AKAP8L: variants seen among roughly 807,000 people sequenced by gnomAD.
AKAP8L encodes the protein A-kinase anchor protein 8-like.
In AKAP8L, 34 loss-of-function variants were observed where a neutral mutation model predicts 77.5. The ratio of observed to expected loss-of-function variants is 0.44; its 90% CI spans 0.33 to 0.58. The LOEUF (loss-of-function observed/expected upper bound fraction) is 0.58, where lower values mean the gene tolerates loss of function less well. Among genes scored for constraint, AKAP8L ranks in the 20% least tolerant of loss-of-function variants. The probability of loss-of-function intolerance (pLI) is 0.02; values close to 1 mark genes in which losing one functional copy is unlikely to be tolerated. For missense variants in AKAP8L, 806 were observed against 887.6 expected, an observed-to-expected ratio of 0.91 and a Z score of 1.17; for synonymous variants, 342 against 340.7, an observed-to-expected ratio of 1.00 and a Z score of -0.04.
At chr19:15,386,500 G>T (rs1967541048) in intron 12 of AKAP8L, among the ~76,000 whole-genome samples, 2 of 152,154 alleles carry the variant, frequency 1.3e-5, no homozygotes, top group South Asian at 4.1e-4. Flanking sequence ...ATGAAGAGTT[G>T]TGATGTCTGA....
rs957174843 is a variant in AKAP8L, at chr19:15,397,432, G to T, written c.1405+88C>A. The T allele has an allele frequency of 3.4e-6, 5 of 1,481,226 alleles. No individual in the cohort carries two copies. The highest frequency in any genetic ancestry group is 1.4e-5 in the African/African-American group (1 of 72,078). The allele number at this position is 1,481,226 out of a possible 1,614,324, so 91.8% of individuals were successfully genotyped here. ...GCTGGTCTCCTGACCTTCCCTGGGGGAACAGAAGGGTGTCCTGACCCTGCA... is the reference window on the plus strand; with the variant it reads ...GCTGGTCTCCTGACCTTCCCTGGGGTAACAGAAGGGTGTCCTGACCCTGCA... On this transcript the variant is annotated intron_variant, in intron 11 of 13. Coordinates refer to ENST00000397410, the MANE Select transcript of AKAP8L (RefSeq NM_014371.4). This position sits in a 1 kb window ranked among gnomAD's most constrained non-coding sequence, Gnocchi z 4.7.
rs185830884 is a variant in AKAP8L, at chr19:15,385,432, C to T, written c.1537-4820G>A. On this transcript the variant is annotated intron_variant, in intron 12 of 13. Transcript: ENST00000397410. ...TCCTGACCTCGTGATCCACCCACCT[C>T]GGCCTCCCAAAGTGCTGGGATTACA... Among the ~76,000 whole-genome samples, 449 of 152,186 alleles carry T rather than the reference C, an allele frequency of 3.0e-3. 2 individuals are homozygous for T. Among genetic ancestry groups the T allele is most frequent in the African/African-American group, 0.01 (417 of 41,514 alleles).
chr19:15,413,046 T>A (rs1313067815), intron 1 of AKAP8L, among the ~76,000 whole-genome samples: 2 of 152,188 alleles, frequency 1.3e-5, no homozygotes, highest in Non-Finnish European at 2.9e-5. Flanking sequence ...GTGTCTCTAT[T>A]TTATCTCTTA....
At position 15,410,671 on chromosome 19, in the gene AKAP8L, A is replaced by G. The variant is rs1287173887; in HGVS notation, c.14-77T>C. On this transcript the variant is annotated intron_variant, in intron 1 of 13. Transcript: ENST00000397410. ...GACCTGAGACTACCTAACCTTTGGT[A>G]TAGGATTGCCAGCAGGCCCTTCTCT... 7 of 1,206,998 alleles carry G rather than the reference A, an allele frequency of 5.8e-6. No individual in the cohort carries two copies. In the Admixed American group the frequency reaches 1.2e-4, roughly 21 times the overall value. The allele number at this position is 1,206,998 out of a possible 1,614,324, so 74.8% of individuals were successfully genotyped here.
At chr19:15,400,077 G>T in intron 8 of AKAP8L, 1 of 603,986 alleles carries the variant, frequency 1.7e-6, no homozygotes. Context: ...CTAGGCAGGG[G>T]TCACCACCAT....
chr19:15,415,171 T>C (rs1424144412), intron 1 of AKAP8L, among the ~76,000 whole-genome samples: 6 of 152,220 alleles, frequency 3.9e-5, no homozygotes, highest in African/African-American at 1.4e-4. Flanking sequence ...CTGTGGCTCA[T>C]GTCTGTAATA....
intron 1 of AKAP8L, among the ~76,000 whole-genome samples, chr19:15,417,136 G>C (rs1039814658): frequency 6.6e-6 from 1 of 152,054 alleles, no homozygotes; most frequent in Admixed American, 6.5e-5. Flanking sequence ...TTGGTCATTA[G>C]TGACCTTGTA....
At chr19:15,410,679 G>T in intron 1 of AKAP8L, 85 bp from the exon 2 acceptor site, 1 of 1,067,448 alleles carries the variant, frequency 9.4e-7, no homozygotes, top group Non-Finnish European at 1.4e-6. Flanking sequence ...GTATAGGATT[G>T]CCAGCAGGCC....
At chr19:15,409,652 C>G (rs985611049) in intron 2 of AKAP8L, among the ~76,000 whole-genome samples, 3 of 152,158 alleles carry the variant, frequency 2.0e-5, no homozygotes, top group African/African-American at 7.2e-5. Flanking sequence ...CACAGACAAC[C>G]AAAAACCAGC....
chr19:15,412,732 T>C (rs189404070), intron 1 of AKAP8L, among the ~76,000 whole-genome samples: 71 of 152,268 alleles, frequency 4.7e-4, no homozygotes, highest in African/African-American at 9.9e-4. Flanking sequence ...TTAGTAGAGA[T>C]GGGGTTTCAC....
intron 12 of AKAP8L, among the ~76,000 whole-genome samples, chr19:15,386,837 T>G (rs1037887244): frequency 5.9e-5 from 9 of 152,290 alleles, no homozygotes; most frequent in Middle Eastern, 6.8e-3. Flanking sequence ...TTTTGTATTT[T>G]TAGTAAAGAT....
intron 1 of AKAP8L, among the ~76,000 whole-genome samples, chr19:15,418,666 A>C (rs1968263982): frequency 6.6e-6 from 1 of 152,230 alleles, no homozygotes; most frequent in South Asian, 2.1e-4. Flanking sequence ...GGACCCACGG[A>C]CACAGGCGAC....
intron 1 of AKAP8L, among the ~76,000 whole-genome samples, chr19:15,415,573 T>G (rs1295582643): frequency 6.6e-6 from 1 of 151,786 alleles, no homozygotes; most frequent in Non-Finnish European, 1.5e-5. Flanking sequence ...TCAGCAATGT[T>G]GAACTCCTGG....
chr19:15,380,717 C>T lies in AKAP8L; in HGVS notation c.1537-105G>A, dbSNP rs895221295. On this transcript the variant is annotated intron_variant, in intron 12 of 13. Transcript: ENST00000397410. ...GGACCCCACCCCGCCCCTGCACCCA[C>T]GCACTTCCAGCCCCACCAACGGAGG... The T allele has an allele frequency of 1.8e-5, 18 of 985,376 alleles. No homozygotes were observed. In the East Asian group the frequency reaches 3.0e-4, roughly 17 times the overall value. The allele number at this position is 985,376 out of a possible 1,614,324, so 61.0% of individuals were successfully genotyped here.
chr19:15,385,117 A>G (rs944370318), intron 12 of AKAP8L, among the ~76,000 whole-genome samples: 2 of 152,096 alleles, frequency 1.3e-5, no homozygotes, highest in Non-Finnish European at 2.9e-5. Context: ...AGCTGGGACT[A>G]CAGGCGCCCA....
At chr19:15,409,170 T>C (rs368537598) in intron 2 of AKAP8L, among the ~76,000 whole-genome samples, 3 of 152,350 alleles carry the variant, frequency 2.0e-5, no homozygotes. Flanking sequence ...ACTTGTGTTC[T>C]TTCTGACACA....
chr19:15,403,859 C>G lies in AKAP8L; in HGVS notation c.122-144G>C. ...CCACTGAAGCTAGATGGGCCCTGGT[C>G]ATTCTGATGAGGGCCTCCTGTTAAG... On this transcript the variant is annotated intron_variant, in intron 3 of 13. Coordinates refer to ENST00000397410, the MANE Select transcript of AKAP8L (RefSeq NM_014371.4). This position sits in a 1 kb window ranked among gnomAD's most constrained non-coding sequence, Gnocchi z 4.3. 9.3e-7 allele frequency: 1 copy of G among 1,079,164 alleles called. No individual in the cohort carries two copies. Among genetic ancestry groups the G allele is most frequent in the Non-Finnish European group, 1.4e-6 (1 of 730,876 alleles). The allele number at this position is 1,079,164 out of a possible 1,614,324, so 66.8% of individuals were successfully genotyped here.
intron 12 of AKAP8L, among the ~76,000 whole-genome samples, chr19:15,393,827 C>T (rs572081152): frequency 6.6e-6 from 1 of 150,844 alleles, no homozygotes. Context: ...TGCTTGGACC[C>T]GGGAGGCAGA....
At chr19:15,408,653 G>T (rs1968049706) in intron 2 of AKAP8L, among the ~76,000 whole-genome samples, 1 of 151,938 alleles carries the variant, frequency 6.6e-6, no homozygotes. Flanking sequence ...GGAGGCCGAG[G>T]CGGGAGGATC....
Sources: allele counts gnomAD v4.1 joint callset (sites outside exome capture counted in the v4.1 genomes callset), GRCh38; gene constraint gnomAD v4.1.1; non-coding constraint Gnocchi (gnomAD v3.1); transcripts MANE v1.5; gene names NCBI Gene and HGNC (gene_info 2026-07-23, HGNC 2026-07-21).